Variants in CSNK2A1 observed in about 807,000 individuals in gnomAD.
CSNK2A1 encodes the protein casein kinase II subunit alpha.
Under a neutral mutation model 62.9 loss-of-function variants are expected in CSNK2A1, and 10 were observed. The observed-to-expected ratio is 0.16, with a 90% CI of 0.10 to 0.27. CSNK2A1 has a LOEUF of 0.27. Ranked by LOEUF, CSNK2A1 falls within the 10% of genes least tolerant of loss-of-function variation. The probability of loss-of-function intolerance (pLI) is 1.00; values close to 1 mark genes in which losing one functional copy is unlikely to be tolerated. For synonymous variants in CSNK2A1, 124 were observed against 167.8 expected (o/e 0.74, Z 2.02); for missense variants, 160 against 492.0 (o/e 0.33, Z 6.38).
chr20:523,793 A>AGGCTGGAGAATC, intron 2 of CSNK2A1, among the ~76,000 whole-genome samples: 1 of 144,058 alleles, frequency 6.9e-6, no homozygotes, highest in Admixed American at 7.3e-5. Flanking sequence ...CGGGAGGCTG[A>AGGCTGGAGAATC]GCTTGCAGTG....
At chr20:493,397 A>C (rs2018275852) in intron 8 of CSNK2A1, among the ~76,000 whole-genome samples, 1 of 152,162 alleles carries the variant, frequency 6.6e-6, no homozygotes, top group East Asian at 1.9e-4. Flanking sequence ...AGTTTAATAA[A>C]TACTAAATAG....
intron 1 of CSNK2A1, among the ~76,000 whole-genome samples, chr20:535,864 G>A (rs923868942): frequency 1.3e-5 from 2 of 152,002 alleles, no homozygotes; most frequent in African/African-American, 4.8e-5. Context: ...GAGAGAGCAA[G>A]ACATAGAGAA....
intron 3 of CSNK2A1, chr20:506,305 C>A (rs1385822364): frequency 1.3e-5 from 2 of 152,334 alleles, no homozygotes; most frequent in African/African-American, 4.8e-5. Context: ...TTTTAACAGG[C>A]CTCTTTGAAG....
At chr20:527,185 C>A (rs896523704) in intron 2 of CSNK2A1, among the ~76,000 whole-genome samples, 1 of 152,068 alleles carries the variant, frequency 6.6e-6, no homozygotes, top group Non-Finnish European at 1.5e-5. Flanking sequence ...GACAATATCA[C>A]GAACAACTTT....
intron 2 of CSNK2A1, among the ~76,000 whole-genome samples, chr20:523,571 C>T (rs2018993574): frequency 6.6e-6 from 1 of 152,136 alleles, no homozygotes; most frequent in Non-Finnish European, 1.5e-5. Flanking sequence ...TGTTTGATTT[C>T]ATTTATATGA....
At chr20:531,038 C>T (rs1001203811) in intron 1 of CSNK2A1, among the ~76,000 whole-genome samples, 42 of 152,000 alleles carry the variant, frequency 2.8e-4, no homozygotes, top group African/African-American at 9.7e-4. Flanking sequence ...GAGCTGAGAT[C>T]GCGCCATTGC....
chr20:504,723 C>T (rs2122558370), intron 4 of CSNK2A1: 1 of 177,340 alleles, frequency 5.6e-6, no homozygotes, highest in South Asian at 1.9e-4. Context: ...ACTAGCTGCA[C>T]TAATATCATC....
chr20:495,860 C>T, intron 7 of CSNK2A1, 58 bp from the exon 8 acceptor site: 1 of 1,451,040 alleles, frequency 6.9e-7, no homozygotes, highest in Admixed American at 1.7e-5. Context: ...GAGTCCTTTA[C>T]TTTTCCCTCC....
chr20:512,598 C>T (rs973913542), intron 2 of CSNK2A1, among the ~76,000 whole-genome samples: 9 of 152,266 alleles, frequency 5.9e-5, no homozygotes, highest in African/African-American at 1.9e-4. Flanking sequence ...TATTCCTTAA[C>T]CGTGACAAAC....
At chr20:524,248 A>G (rs7262595) in intron 2 of CSNK2A1, among the ~76,000 whole-genome samples, 1,547 of 151,520 alleles carry the variant, frequency 0.01, 27 homozygotes, top group African/African-American at 0.036. Context: ...GTACAGTGAA[A>G]CCCATCTCTA....
chr20:498,011 A>G (rs779628690), intron 6 of CSNK2A1: 128 of 444,904 alleles, frequency 2.9e-4, no homozygotes, highest in Non-Finnish European at 4.1e-4. Context: ...GCTATAATCC[A>G]CTGTCAGAAA....
Position 481,550 on chromosome 20 carries a change from C to T in CSNK2A1, c.*2411G>A. The T allele has an allele frequency of 7.4e-6, 1 of 135,954 alleles. No individual in the cohort carries two copies. Among genetic ancestry groups the T allele is most frequent in the African/African-American group, 2.8e-5 (1 of 36,320 alleles). The allele number at this position is 135,954 out of a possible 1,614,324, so 8.4% of individuals were successfully genotyped here. A position where few individuals can be genotyped will look rare whatever the true frequency, so the allele number is the denominator to read the frequency against. On this transcript the variant is annotated 3_prime_UTR_variant, in exon 14 of 14. Coordinates refer to ENST00000217244, the MANE Select transcript of CSNK2A1 (RefSeq NM_177559.3). ...CTCTCTCCATGCTTCTGCAGTGACT[C>T]TTAAGTAGCATTTTTAAAAACTTCT...
rs565124847 is a variant in CSNK2A1 at position 508,992 on chromosome 20, T to C, written c.-109-332A>G. 1.5e-4 allele frequency among the ~76,000 whole-genome samples: 23 copies of C among 152,368 alleles called. No individual in the cohort carries two copies. The South Asian group carries it at 4.8e-3, about 32-fold the overall frequency. The stretch of plus-strand genomic sequence containing the variant: ...CAGCATTACCACTAGTTATATATTC[T>C]ACAAAAGGTATTGGCAAGAAAAATA... On this transcript the variant is annotated intron_variant, in intron 2 of 13. Transcript: ENST00000217244.
intron 1 of CSNK2A1, among the ~76,000 whole-genome samples, chr20:537,977 T>TC (rs1379958748): frequency 6.6e-6 from 1 of 151,888 alleles, no homozygotes; most frequent in African/African-American, 2.4e-5. Flanking sequence ...TTTTTTTTTT[T>TC]TTGAGACGGA....
intron 4 of CSNK2A1, chr20:501,917 G>A (rs962923480): frequency 6.6e-6 from 1 of 152,078 alleles, no homozygotes; most frequent in Non-Finnish European, 1.5e-5. Flanking sequence ...CCAGGCTGAT[G>A]ATCCAGGTCC....
chr20:527,001 C>CAGACAGACAGAGAGAGAGAGAG (rs1197678638), intron 2 of CSNK2A1: 8 of 97,890 alleles, frequency 8.2e-5, no homozygotes, highest in South Asian at 4.1e-4. Flanking sequence ...GAGAGACAGA[C>CAGACAGACAGAGAGAGAGAGAG]AGAGAGAGAG....
intron 10 of CSNK2A1, chr20:489,378 C>T: frequency 4.3e-6 from 1 of 234,020 alleles, no homozygotes. Flanking sequence ...TGAAAGAGCC[C>T]TTTGATCTTC....
chr20:504,402 T>C (rs1389019715), intron 4 of CSNK2A1: 2 of 152,184 alleles, frequency 1.3e-5, no homozygotes, highest in African/African-American at 4.8e-5. Flanking sequence ...TCCCAATATA[T>C]GACAGTGCAC....
In CSNK2A1 at chr20:508,559, A is replaced by T. The variant is rs2018652059; in HGVS notation, c.-8T>A. The T allele has an allele frequency of 6.2e-7, 1 of 1,610,608 alleles. No individual in the cohort carries two copies. Among genetic ancestry groups the T allele is most frequent in the African/African-American group, 1.3e-5 (1 of 74,834 alleles). On this transcript the variant is annotated 5_prime_UTR_variant, in exon 3 of 14. Coordinates refer to ENST00000217244, the MANE Select transcript of CSNK2A1 (RefSeq NM_177559.3). ...TGGCACGGGTCCCGACATGTCAGAC[A>T]GGTTGGCGGACAAAGCTGGACTTGA...
Sources: gnomAD v4.1 joint callset for allele counts (sites outside exome capture counted in the v4.1 genomes callset) on GRCh38, gnomAD v4.1.1 for gene constraint, MANE v1.5 for transcripts, NCBI Gene and HGNC (gene_info 2026-07-23, HGNC 2026-07-21) for gene names.